Variants in GPATCH1 observed in about 807,000 individuals in gnomAD.
The protein encoded by GPATCH1 is G-patch domain containing 1, also known as G patch domain-containing protein 1.
GPATCH1 carries 73 observed loss-of-function variants against 114.9 expected under a neutral mutation model. The observed-to-expected ratio is 0.64, with a 90% CI of 0.53 to 0.77. The LOEUF (loss-of-function observed/expected upper bound fraction) is 0.77. GPATCH1 is among the 30% of genes least tolerant of loss of function. The pLI is 0.00. For synonymous variants in GPATCH1, 391 were observed against 428.4 expected, an observed-to-expected ratio of 0.91 and a Z score of 1.08; for missense variants, 1,058 against 1,144.3, an observed-to-expected ratio of 0.92 and a Z score of 1.09.
intron 1 of GPATCH1, 89 bp downstream of exon 1, chr19:33,081,355 A>G (rs1253607221): frequency 2.2e-5 from 18 of 815,200 alleles, no homozygotes. Flanking sequence ...GTGCTGGACC[A>G]TTGTTAGATC....
At chr19:33,082,898 G>C (rs1972493645) in intron 1 of GPATCH1, among the ~76,000 whole-genome samples, 1 of 152,022 alleles carries the variant, frequency 6.6e-6, no homozygotes, top group Non-Finnish European at 1.5e-5. Flanking sequence ...TTCCCAAAGT[G>C]CTGGATTGCA....
Position 33,117,912 on chromosome 19 carries a change from T to C in GPATCH1, c.2284T>C (p.Ser762Pro), listed in dbSNP as rs140347639. ...ATTCAGGGCCATCTTTGCCAGTTCC[T>C]CAGATGAAAAGTCCTCATCCTCCGA... ...DLFRAIFASS[S>P]DEKSSSSEDE... is the part of the protein sequence containing the mutation. The change falls in exon 16 of 20, where the codon TCA (serine) becomes CCA (proline). Residue 762 changes from serine to proline, a missense_variant. Coordinates refer to ENST00000170564, the MANE Select transcript of GPATCH1 (RefSeq NM_018025.3). The C allele has an allele frequency of 8.2e-5, 132 of 1,613,686 alleles. No individual in the cohort carries two copies. The highest frequency in any genetic ancestry group is 1.1e-4 in the Non-Finnish European group (124 of 1,179,840).
intron 1 of GPATCH1, 78 bp downstream of exon 1, chr19:33,081,344 G>A (rs905935402): frequency 2.5e-6 from 3 of 1,209,594 alleles, no homozygotes; most frequent in South Asian, 1.3e-5. Context: ...AGCACAAGTC[G>A]GTGCTGGACC....
chr19:33,094,398 C>G, intron 5 of GPATCH1, 129 bp downstream of exon 5: 1 of 603,834 alleles, frequency 1.7e-6, no homozygotes, highest in South Asian at 1.9e-5. Flanking sequence ...GCAGCCTTGA[C>G]CTCCCGGGCT....
intron 17 of GPATCH1, among the ~76,000 whole-genome samples, chr19:33,119,925 A>T (rs112526989): frequency 6.9e-6 from 1 of 145,552 alleles, no homozygotes; most frequent in Non-Finnish European, 1.5e-5. Flanking sequence ...TTTATATATA[A>T]AAATTATATA....
chr19:33,096,084 G>A, intron 6 of GPATCH1, 123 bp from the exon 7 acceptor site: 1 of 996,892 alleles, frequency 1.0e-6, no homozygotes, highest in Non-Finnish European at 1.5e-6. Context: ...ATTTATAACA[G>A]CACCAATGAA....
chr19:33,094,983 G>T (rs1435199354), intron 5 of GPATCH1, among the ~76,000 whole-genome samples: 1 of 152,058 alleles, frequency 6.6e-6, no homozygotes, highest in Non-Finnish European at 1.5e-5. Context: ...GGGCAACACG[G>T]TGAAACCCTG....
intron 7 of GPATCH1, among the ~76,000 whole-genome samples, chr19:33,097,062 C>T (rs1357438428): frequency 4.6e-5 from 7 of 152,158 alleles, no homozygotes; most frequent in African/African-American, 1.7e-4. Flanking sequence ...TCTCCTGCCT[C>T]AGCCACCTGA....
intron 13 of GPATCH1, chr19:33,113,431 G>A (rs1333311251): frequency 1.4e-5 from 3 of 207,506 alleles, no homozygotes; most frequent in African/African-American, 7.1e-5. Context: ...GACAAGGCGA[G>A]ACTCAATCTC....
At chr19:33,129,002 C>A (rs1217105313) in intron 19 of GPATCH1, among the ~76,000 whole-genome samples, 1 of 152,030 alleles carries the variant, frequency 6.6e-6, no homozygotes, top group East Asian at 1.9e-4. Context: ...AATCCCAGCA[C>A]TCTGGGAGGC....
rs148774833 is a variant in GPATCH1, at chr19:33,099,343, CAT to C, written c.1000+1446_1000+1447del. On this transcript the variant is annotated intron_variant, in intron 8 of 19. Transcript: ENST00000170564. ...TTTAATAATTAATGATATGTAATGA[CAT>C]ATATTTAAGTCCGCCTGCTGAACCA... 1.2e-3 allele frequency among the ~76,000 whole-genome samples: 180 copies of C among 151,754 alleles called. 2 individuals carry two copies. The highest frequency in any genetic ancestry group is 9.5e-3 in the Admixed American group (145 of 15,186).
Position 33,111,800 on chromosome 19 carries a change from G to T in GPATCH1, c.1662G>T (p.Ala554=). ...RGRERDEFAR[A]ALLYASSHST... ...GTGAGCGGGATGAGTTTGCCCGGGC[G>T]GCCCTGCTGTACGCATCTTCCCATT... Residue 554 remains alanine (A), a synonymous_variant, in exon 12 of 20, where the codon GCG becomes GCT. Coordinates refer to ENST00000170564, the MANE Select transcript of GPATCH1 (RefSeq NM_018025.3). 6.2e-7 allele frequency: 1 copy of T among 1,614,046 alleles called. No homozygotes were observed. The highest frequency in any genetic ancestry group is 1.1e-5 in the South Asian group (1 of 91,082).
rs1027983046 is a variant in GPATCH1 at position 33,113,896 on chromosome 19, T to A, written c.2022T>A (p.Gly674=). 1 of 1,613,826 alleles carries A rather than the reference T, an allele frequency of 6.2e-7. No homozygotes were observed. Among genetic ancestry groups the A allele is most frequent in the Non-Finnish European group, 8.5e-7 (1 of 1,179,868 alleles). ...GTGAAAAAGTATCACAGCACCGAGG[T>A]CCCGACAGTGAGTAGGGCGTCCCCG... ...ASSEKVSQHR[G]PDKSRKPSRW... Residue 674 remains glycine, a synonymous_variant, in exon 14 of 20, where the codon GGT becomes GGA. Coordinates refer to ENST00000170564, the MANE Select transcript of GPATCH1 (RefSeq NM_018025.3).
At chr19:33,087,003 C>T (rs1259675629) in intron 1 of GPATCH1, among the ~76,000 whole-genome samples, 1 of 152,006 alleles carries the variant, frequency 6.6e-6, no homozygotes, top group Admixed American at 6.6e-5. Flanking sequence ...TTTCTTGTGT[C>T]TCCCTCTTCT....
At chr19:33,126,809 C>A in intron 19 of GPATCH1, 76 bp downstream of exon 19, 2 of 1,255,776 alleles carry the variant, frequency 1.6e-6, no homozygotes, top group Non-Finnish European at 1.1e-6. Context: ...TGCTTAGAGG[C>A]AAATATCAGA....
intron 12 of GPATCH1, 59 bp downstream of exon 12, chr19:33,111,961 A>G: frequency 7.4e-7 from 1 of 1,358,058 alleles, no homozygotes; most frequent in South Asian, 1.2e-5. Context: ...CTGCCTAGCC[A>G]AAATAGTTTT....
intron 5 of GPATCH1, 61 bp downstream of exon 5, chr19:33,094,330 A>C (rs1972631276): frequency 2.4e-6 from 2 of 844,618 alleles, no homozygotes; most frequent in South Asian, 2.7e-5. Context: ...TTTTTTTTTG[A>C]GACAGGGTCT....
chr19:33,091,413 CAAAAAAAA>C (rs1184888892), intron 3 of GPATCH1, among the ~76,000 whole-genome samples: 2 of 44,942 alleles, frequency 4.5e-5, no homozygotes, highest in South Asian at 7.1e-4. Flanking sequence ...GACTCCGTCT[CAAAAAAAA>C]AAAAAAAAAA....
chr19:33,084,046 G>A (rs939624708), intron 1 of GPATCH1, among the ~76,000 whole-genome samples: 1 of 152,148 alleles, frequency 6.6e-6, no homozygotes, highest in Admixed American at 6.5e-5. Context: ...CTGACCTCAG[G>A]TGATCTGCCT....
Sources: allele counts gnomAD v4.1 joint callset (sites outside exome capture counted in the v4.1 genomes callset), GRCh38; gene constraint gnomAD v4.1.1; transcripts MANE v1.5; gene names NCBI Gene and HGNC (gene_info 2026-07-23, HGNC 2026-07-21).